The following WBP2NL variants were observed in gnomAD, a reference collection of about 807,000 sequenced individuals.
The protein encoded by WBP2NL is WBP2 N-terminal like, also known as postacrosomal sheath WW domain-binding protein.
A neutral mutation model predicts 23.3 loss-of-function variants in WBP2NL; 27 were observed. That is an observed-to-expected ratio of 1.16 (90% CI 0.85 to 1.60). The LOEUF is 1.60. WBP2NL is among the 40% of genes most tolerant of loss of function. The pLI is 0.00. For synonymous variants in WBP2NL, 151 were observed against 145.9 expected (o/e 1.03, Z -0.25); for missense variants, 370 against 389.5 (o/e 0.95, Z 0.42).
intron 1 of WBP2NL, among the ~76,000 whole-genome samples, chr22:42,014,645 G>GT (rs955358571): frequency 6.6e-6 from 1 of 151,386 alleles, no homozygotes; most frequent in Non-Finnish European, 1.5e-5. Flanking sequence ...TTTTTTCTTC[G>GT]TTTTTTCCCA....
At chr22:42,039,950 A>T (rs1602477324) in intron 8 of WBP2NL, among the ~76,000 whole-genome samples, 2 of 134,198 alleles carry the variant, frequency 1.5e-5, no homozygotes, top group Admixed American at 8.0e-5. Flanking sequence ...TTGTTTTGTT[A>T]CCCAGAGCTG....
chr22:42,057,094 A>G (rs1394991192), intron 8 of WBP2NL, among the ~76,000 whole-genome samples: 1 of 152,170 alleles, frequency 6.6e-6, no homozygotes, highest in Non-Finnish European at 1.5e-5. Context: ...AATATTTTCC[A>G]TCAAATGTGA....
chr22:42,047,695 T>C (rs1272329622), intron 8 of WBP2NL, among the ~76,000 whole-genome samples: 3 of 148,542 alleles, frequency 2.0e-5, no homozygotes, highest in Non-Finnish European at 4.5e-5. Flanking sequence ...CGTCTCAGCT[T>C]ACTGCAAGCT....
At chr22:42,047,804 G>A (rs1403300158) in intron 8 of WBP2NL, among the ~76,000 whole-genome samples, 1 of 150,834 alleles carries the variant, frequency 6.6e-6, no homozygotes, top group Non-Finnish European at 1.5e-5. Context: ...TATATTTTTA[G>A]AAGAGACGGG....
chr22:42,012,128 C>T (rs1281195279), intron 1 of WBP2NL, among the ~76,000 whole-genome samples: 1 of 152,114 alleles, frequency 6.6e-6, no homozygotes, highest in Non-Finnish European at 1.5e-5. Context: ...TGAGACTTCT[C>T]TCTTTTTCTT....
intron 1 of WBP2NL, among the ~76,000 whole-genome samples, chr22:42,014,119 C>G (rs1166027020): frequency 6.6e-6 from 1 of 152,006 alleles, no homozygotes; most frequent in African/African-American, 2.4e-5. Flanking sequence ...TGAGGTTTCA[C>G]TATGTTGCCC....
chr22:42,003,975 T>C (rs1921961717), intron 1 of WBP2NL, among the ~76,000 whole-genome samples: 1 of 152,096 alleles, frequency 6.6e-6, no homozygotes, highest in Admixed American at 6.6e-5. Flanking sequence ...AAATGGATAA[T>C]AAGAAGGGAC....
intron 8 of WBP2NL, among the ~76,000 whole-genome samples, chr22:42,050,965 ATG>A (rs1176880242): frequency 2.6e-5 from 4 of 152,224 alleles, no homozygotes; most frequent in Non-Finnish European, 4.4e-5. Context: ...CTCTTACCAT[ATG>A]TCCCAGCAAT....
chr22:42,001,894 C>T, intron 1 of WBP2NL: 7 of 1,469,666 alleles, frequency 4.8e-6, no homozygotes, highest in Non-Finnish European at 6.3e-6. Context: ...GGTGCTACCG[C>T]CATCTTGGAG....
At chr22:42,021,213 C>T (rs966714270) in intron 4 of WBP2NL, among the ~76,000 whole-genome samples, 1 of 151,918 alleles carries the variant, frequency 6.6e-6, no homozygotes, top group Non-Finnish European at 1.5e-5. Flanking sequence ...AGCCAGCACG[C>T]CTGGCCGGTC....
At chr22:42,051,526 T>C (rs1046624630) in intron 8 of WBP2NL, among the ~76,000 whole-genome samples, 1 of 152,216 alleles carries the variant, frequency 6.6e-6, no homozygotes, top group South Asian at 2.1e-4. Context: ...TTGCTAATAA[T>C]GTATCAGTAC....
chr22:42,006,296 C>T (rs1320019022), intron 1 of WBP2NL, among the ~76,000 whole-genome samples: 1 of 151,540 alleles, frequency 6.6e-6, no homozygotes, highest in Non-Finnish European at 1.5e-5. Context: ...TCTCCGCTCA[C>T]TGCAAGCTCT....
At chr22:42,046,795 A>G (rs1241603494) in intron 8 of WBP2NL, among the ~76,000 whole-genome samples, 1 of 152,168 alleles carries the variant, frequency 6.6e-6, no homozygotes, top group Admixed American at 6.5e-5. Flanking sequence ...TTTGGATCTT[A>G]CGATGCTGAG....
chr22:42,046,812 C>T (rs1189865239), intron 8 of WBP2NL, among the ~76,000 whole-genome samples: 1 of 152,198 alleles, frequency 6.6e-6, no homozygotes, highest in African/African-American at 2.4e-5. Context: ...TGAGCATGTT[C>T]TGCACTGGTG....
chr22:42,014,563 CCTT>C (rs1923135719), intron 1 of WBP2NL, among the ~76,000 whole-genome samples: 1 of 152,232 alleles, frequency 6.6e-6, no homozygotes, highest in Admixed American at 6.5e-5. Context: ...TCTCTCCTCT[CCTT>C]CTTGAATTCC....
At chr22:42,015,063 C>G (rs1441297071) in intron 1 of WBP2NL, among the ~76,000 whole-genome samples, 1 of 152,150 alleles carries the variant, frequency 6.6e-6, no homozygotes, top group Non-Finnish European at 1.5e-5. Context: ...TTGTTGAAAA[C>G]TGGACATTTT....
chr22:42,000,678 C>G (rs1921548229), intron 1 of WBP2NL, among the ~76,000 whole-genome samples: 1 of 151,558 alleles, frequency 6.6e-6, no homozygotes. Flanking sequence ...CCTGTAATCC[C>G]AGCACTTTGG....
chr22:42,024,454 G>A (rs1218176109), intron 5 of WBP2NL, among the ~76,000 whole-genome samples: 1 of 151,980 alleles, frequency 6.6e-6, no homozygotes, highest in Non-Finnish European at 1.5e-5. Flanking sequence ...CTGTGTAAAT[G>A]TAAGTGTTCC....
intron 1 of WBP2NL, among the ~76,000 whole-genome samples, chr22:41,999,154 G>C (rs2146743318): frequency 6.6e-6 from 1 of 152,076 alleles, no homozygotes; most frequent in South Asian, 2.1e-4. Flanking sequence ...TGTCTCCTCA[G>C]GGCGGGGCGG....
Sources: allele counts gnomAD v4.1 joint callset (sites outside exome capture counted in the v4.1 genomes callset), GRCh38; gene constraint gnomAD v4.1.1; transcripts MANE v1.5; gene names NCBI Gene and HGNC (gene_info 2026-07-23, HGNC 2026-07-21).